Variants in GPM6A observed in about 807,000 individuals in gnomAD.
GPM6A encodes glycoprotein M6A, also known as neuronal membrane glycoprotein M6-a.
GPM6A carries 7 observed loss-of-function variants against 32.1 expected under a neutral mutation model. The ratio of observed to expected loss-of-function variants is 0.22; its 90% CI spans 0.12 to 0.41. The LOEUF (loss-of-function observed/expected upper bound fraction) is 0.41, where lower values mean the gene tolerates loss of function less well. Ranked by LOEUF, GPM6A falls within the 10% of genes least tolerant of loss-of-function variation. The pLI, the probability that GPM6A is intolerant of heterozygous loss-of-function variation, is 1.00. For missense variants in GPM6A, 235 were observed against 347.2 expected (o/e 0.68, Z 2.57); for synonymous variants, 130 against 123.4 (o/e 1.05, Z -0.35).
chr4:175,991,310 A>C (rs1741134820), intron 1 of GPM6A, among the ~76,000 whole-genome samples: 1 of 150,794 alleles, frequency 6.6e-6, no homozygotes, highest in African/African-American at 2.4e-5. Context: ...TCCTGACCTC[A>C]AGTGATCCAC....
intron 2 of GPM6A, among the ~76,000 whole-genome samples, chr4:175,693,076 G>A (rs1005238760): frequency 4.6e-5 from 7 of 151,938 alleles, no homozygotes; most frequent in African/African-American, 1.7e-4. Flanking sequence ...CTGATTAGCT[G>A]ATGTGGATGG....
intron 4 of GPM6A, among the ~76,000 whole-genome samples, chr4:175,642,473 C>T (rs186962668): frequency 1.3e-5 from 2 of 152,144 alleles, no homozygotes; most frequent in South Asian, 4.1e-4. Context: ...CCTAACCCCC[C>T]TCCATGGAAA....
At chr4:175,857,142 T>C (rs1018481428) in intron 1 of GPM6A, among the ~76,000 whole-genome samples, 5 of 152,200 alleles carry the variant, frequency 3.3e-5, no homozygotes, top group African/African-American at 4.8e-5. Flanking sequence ...TTCTATAAAC[T>C]TAAAGCTGTT....
chr4:175,812,866 A>C, upstream of GPM6A: 1 of 985,286 alleles, frequency 1.0e-6, no homozygotes, highest in Non-Finnish European at 1.2e-6. Flanking sequence ...GTATTTAGTT[A>C]ATTTGATTTA....
chr4:175,725,263 T>A lies in GPM6A; in HGVS notation c.38-23496A>T, dbSNP rs1304031450. Among the ~76,000 whole-genome samples, 10 of 150,802 alleles carry A rather than the reference T, an allele frequency of 6.6e-5. No individual in the cohort carries two copies. In the Admixed American group the frequency reaches 6.7e-4, roughly 10 times the overall value. On this transcript the variant is annotated intron_variant, in intron 1 of 6. Coordinates refer to ENST00000393658, the MANE Select transcript of GPM6A (RefSeq NM_201591.3). The stretch of plus-strand genomic sequence containing the variant: ...TTAGGCCCAAAAGAATAGAGCTATA[T>A]TGTCTTTTAATGCATTATGTTTTGG...
intron 1 of GPM6A, among the ~76,000 whole-genome samples, chr4:175,878,235 A>T (rs1305074699): frequency 6.6e-6 from 1 of 152,144 alleles, no homozygotes; most frequent in East Asian, 1.9e-4. Flanking sequence ...TGGATCTACC[A>T]TTCTGGGGTC....
intron 1 of GPM6A, among the ~76,000 whole-genome samples, chr4:175,908,812 G>T (rs570149323): frequency 1.0e-3 from 155 of 152,196 alleles, no homozygotes; most frequent in African/African-American, 3.4e-3. Context: ...AATTTGTTAT[G>T]AACCATATAA....
intron 1 of GPM6A, among the ~76,000 whole-genome samples, chr4:175,782,671 T>C (rs1009323994): frequency 6.6e-6 from 1 of 152,124 alleles, no homozygotes; most frequent in African/African-American, 2.4e-5. Flanking sequence ...ACAGATAAGT[T>C]GTTACTACCT....
At chr4:175,757,149 A>C (rs140356754) in intron 1 of GPM6A, among the ~76,000 whole-genome samples, 1 of 152,188 alleles carries the variant, frequency 6.6e-6, no homozygotes, top group African/African-American at 2.4e-5. Context: ...TCCTGAGGCC[A>C]GGTTATACAG....
chr4:175,638,271 TA>T (rs1024669462), intron 6 of GPM6A, among the ~76,000 whole-genome samples: 1 of 151,960 alleles, frequency 6.6e-6, no homozygotes, highest in African/African-American at 2.4e-5. Flanking sequence ...GCAGCATTAG[TA>T]CCAGGAACAG....
At chr4:175,787,608 A>C in intron 1 of GPM6A, 1 of 1,340,646 alleles carries the variant, frequency 7.5e-7, no homozygotes, top group Non-Finnish European at 9.6e-7. Context: ...TTTTTCCCCA[A>C]ATCACAACCC....
chr4:175,916,576 T>G (rs1382368780), intron 1 of GPM6A, among the ~76,000 whole-genome samples: 1 of 152,210 alleles, frequency 6.6e-6, no homozygotes, highest in East Asian at 1.9e-4. Flanking sequence ...AAATTTATAT[T>G]TTATTTCCTT....
At chr4:175,834,589 A>G (rs1438716324) in intron 1 of GPM6A, among the ~76,000 whole-genome samples, 2 of 152,140 alleles carry the variant, frequency 1.3e-5, no homozygotes, top group Admixed American at 6.5e-5. Context: ...CCTGCATGGA[A>G]CGGATTAAAC....
intron 1 of GPM6A, among the ~76,000 whole-genome samples, chr4:175,845,463 C>T (rs927231706): frequency 6.6e-6 from 1 of 152,090 alleles, no homozygotes; most frequent in Non-Finnish European, 1.5e-5. Flanking sequence ...GGATTACTAA[C>T]TTCTCATTCT....
At chr4:175,816,363 TTCTTAA>T (rs1408706380), upstream of GPM6A, among the ~76,000 whole-genome samples, 2 of 152,256 alleles carry the variant, frequency 1.3e-5, no homozygotes, top group African/African-American at 4.8e-5. Flanking sequence ...TCTTTCATTT[TTCTTAA>T]TCTTAATTTG....
intron 1 of GPM6A, among the ~76,000 whole-genome samples, chr4:175,782,629 A>G (rs1232600710): frequency 6.6e-6 from 1 of 152,176 alleles, no homozygotes; most frequent in Non-Finnish European, 1.5e-5. Flanking sequence ...ATTACATCCG[A>G]TTAACTAGTA....
At chr4:175,962,760 T>C (rs2126405568) in intron 1 of GPM6A, among the ~76,000 whole-genome samples, 1 of 152,308 alleles carries the variant, frequency 6.6e-6, no homozygotes, top group Middle Eastern at 3.4e-3. Flanking sequence ...ACCCAGTGTC[T>C]AATGTCCTAC....
chr4:175,860,475 C>A (rs573990960), intron 1 of GPM6A, among the ~76,000 whole-genome samples: 1 of 151,838 alleles, frequency 6.6e-6, no homozygotes, highest in East Asian at 1.9e-4. Context: ...ATGAAAGACA[C>A]AAATTACCAA....
At chr4:175,878,448 C>T (rs1012289209) in intron 1 of GPM6A, among the ~76,000 whole-genome samples, 1 of 152,160 alleles carries the variant, frequency 6.6e-6, no homozygotes, top group Non-Finnish European at 1.5e-5. Flanking sequence ...GTTCCCAAAC[C>T]TCAATTCTTG....
Sources: gnomAD v4.1 joint callset for allele counts (sites outside exome capture counted in the v4.1 genomes callset) on GRCh38, gnomAD v4.1.1 for gene constraint, MANE v1.5 for transcripts, NCBI Gene and HGNC (gene_info 2026-07-23, HGNC 2026-07-21) for gene names.